Variants in DARS2 observed in about 807,000 individuals in gnomAD.
DARS2 encodes aspartate--tRNA ligase, mitochondrial.
A neutral mutation model predicts 83.0 loss-of-function variants in DARS2; 63 were observed. The ratio of observed to expected loss-of-function variants is 0.76; its 90% CI spans 0.62 to 0.94. DARS2 has a LOEUF of 0.94. Ranked by LOEUF, DARS2 falls within the 40% of genes least tolerant of loss-of-function variation. The pLI is 0.00. For synonymous variants in DARS2, 250 were observed against 269.3 expected (o/e 0.93, Z 0.70); for missense variants, 675 against 774.4 (o/e 0.87, Z 1.52).
rs549144017 is a variant in DARS2, at chr1:173,845,758, A to T, written c.1191+467A>T. 2.0e-5 allele frequency among the ~76,000 whole-genome samples: 3 copies of T among 152,308 alleles called. 1 individual carries two copies. The highest frequency in any genetic ancestry group is 7.2e-5 in the African/African-American group (3 of 41,574). ...AAAATTGGGCTGGGCACGGTGGCTC[A>T]CACCTGTAATCCCAGCACTTTAGGA... On this transcript the variant is annotated intron_variant, in intron 12 of 16. Coordinates refer to ENST00000649689, the MANE Select transcript of DARS2 (RefSeq NM_018122.5).
At chr1:173,833,345 T>C (rs1242113134) in intron 5 of DARS2, 31 bp from the exon 6 acceptor site, 3 of 1,515,178 alleles carry the variant, frequency 2.0e-6, no homozygotes, top group Non-Finnish European at 2.7e-6. Flanking sequence ...TTGAAAAATA[T>C]TTAAATATAA....
At chr1:173,844,669 CAAAAAAAAAAAAAAAAAAAAAA>C (rs549839808) in intron 11 of DARS2, among the ~76,000 whole-genome samples, 11 of 29,930 alleles carry the variant, frequency 3.7e-4, no homozygotes, top group Admixed American at 8.4e-4. Context: ...GACTCCATCG[CAAAAAAAAAAAAAAAAAAAAAA>C]AAAAAAAAAA....
intron 1 of DARS2, among the ~76,000 whole-genome samples, 198 bp downstream of exon 1, chr1:173,825,554 C>G (rs540376025): frequency 6.6e-6 from 1 of 151,720 alleles, no homozygotes; most frequent in Non-Finnish European, 1.5e-5. Context: ...CTGCAAGCTC[C>G]GCCTCCCGGG....
At chr1:173,837,908 G>C (rs1437777577) in intron 8 of DARS2, among the ~76,000 whole-genome samples, 1 of 151,920 alleles carries the variant, frequency 6.6e-6, no homozygotes, top group Non-Finnish European at 1.5e-5. Flanking sequence ...CGAGTAGCTG[G>C]GATTACAGGC....
intron 12 of DARS2, among the ~76,000 whole-genome samples, chr1:173,849,034 C>T (rs1187238947): frequency 6.6e-6 from 1 of 151,370 alleles, no homozygotes; most frequent in Non-Finnish European, 1.5e-5. Context: ...GCTTTTTTCA[C>T]TGCATCTTAT....
intron 16 of DARS2, 29 bp from the exon 17 acceptor site, chr1:173,857,489 C>T: frequency 6.3e-7 from 1 of 1,591,456 alleles, no homozygotes. Context: ...TTACATTTCT[C>T]ATCTGTTATC....
chr1:173,857,406 A>G, intron 16 of DARS2, 112 bp from the exon 17 acceptor site: 1 of 1,070,352 alleles, frequency 9.3e-7, no homozygotes, highest in Non-Finnish European at 1.4e-6. Flanking sequence ...GGTTGGCTAC[A>G]GTTTGTTAAA....
At chr1:173,852,756 G>A (rs1015576268) in intron 13 of DARS2, among the ~76,000 whole-genome samples, 5 of 152,034 alleles carry the variant, frequency 3.3e-5, no homozygotes, top group African/African-American at 1.2e-4. Flanking sequence ...GCCCGCCTCG[G>A]CCTCCCAAAG....
chr1:173,839,423 T>A lies in DARS2; in HGVS notation c.897T>A (p.Gly299=). 1.9e-6 allele frequency: 3 copies of A among 1,614,146 alleles called. No homozygotes were observed. The highest frequency in any genetic ancestry group is 2.5e-6 in the Non-Finnish European group (3 of 1,180,022). Residue 299 remains glycine, a synonymous_variant, in exon 10 of 17, where the codon GGT becomes GGA. Coordinates refer to ENST00000649689, the MANE Select transcript of DARS2 (RefSeq NM_018122.5). The part of the protein sequence containing the change: ...DQTGIQSLIE[G]LLQYSWPNDK... ...CTGGGATCCAGAGTTTAATTGAGGGTTTGCTCCAGTATTCCTGGCCCAATG... is the reference window on the plus strand; with the variant it reads ...CTGGGATCCAGAGTTTAATTGAGGGATTGCTCCAGTATTCCTGGCCCAATG...
In DARS2 at chr1:173,853,322, C is replaced by T. The variant is rs769770697; in HGVS notation, c.1345-27C>T. On this transcript the variant is annotated intron_variant, in intron 13 of 16. Coordinates refer to ENST00000649689, the MANE Select transcript of DARS2 (RefSeq NM_018122.5). The stretch of plus-strand genomic sequence containing the variant: ...CCTGCCTGCTCTGTCAAGAAGTTAA[C>T]TCAATGTTTACGTCTTCTGTTTGCA... The T allele has an allele frequency of 6.2e-6, 10 of 1,607,250 alleles. 1 individual carries two copies. The South Asian group carries it at 7.7e-5, about 12-fold the overall frequency.
chr1:173,828,409 A>T lies in DARS2; in HGVS notation c.294+10A>T, dbSNP rs1315280508. On this transcript the variant is annotated intron_variant, in intron 3 of 16. Coordinates refer to ENST00000649689, the MANE Select transcript of DARS2 (RefSeq NM_018122.5). ...CATTCCCCAGGATGAGGTAATAGAA[A>T]ATTTCCTGTTATTATCTAAAAGCTT... 3 of 1,610,526 alleles carry T rather than the reference A, an allele frequency of 1.9e-6. No individual in the cohort carries two copies. In the African/African-American group the frequency reaches 4.0e-5, roughly 22 times the overall value.
At chr1:173,835,439 C>G (rs1222683305) in intron 7 of DARS2, among the ~76,000 whole-genome samples, 1 of 150,492 alleles carries the variant, frequency 6.6e-6, no homozygotes, top group Non-Finnish European at 1.5e-5. Flanking sequence ...CGCGGTGGCT[C>G]ACACATGTAG....
chr1:173,846,775 G>A (rs554097967), intron 12 of DARS2, among the ~76,000 whole-genome samples: 5 of 152,058 alleles, frequency 3.3e-5, no homozygotes, highest in African/African-American at 1.2e-4. Context: ...CAGCCTGGGT[G>A]ACACAGTGAG....
intron 2 of DARS2, 95 bp from the exon 3 acceptor site, chr1:173,828,238 C>T (rs1652659077): frequency 8.3e-7 from 1 of 1,201,076 alleles, no homozygotes; most frequent in Non-Finnish European, 1.2e-6. Flanking sequence ...TGAAAAATTG[C>T]ATGGATTTTT....
rs564192663 is a variant in DARS2 at position 173,824,689 on chromosome 1, C to T, written c.-541C>T. On this transcript the variant is annotated 5_prime_UTR_variant, in exon 1 of 17. Coordinates refer to ENST00000649689, the MANE Select transcript of DARS2 (RefSeq NM_018122.5). ...GGCGGAGTTGAAGGGCGCTTGGACC[C>T]CAGCGGCGATCTGTGTTTGGGTTCG... is the stretch of plus-strand genomic sequence containing the variant. 2 of 165,336 alleles carry T rather than the reference C, an allele frequency of 1.2e-5. No individual in the cohort carries two copies. The highest frequency in any genetic ancestry group is 2.7e-5 in the Non-Finnish European group (2 of 74,938). 10.2% of individuals were successfully genotyped at this position (165,336 alleles called of 1,614,324 possible). A position where few individuals can be genotyped will look rare whatever the true frequency, so the allele number is the denominator to read the frequency against.
chr1:173,856,069 CACATCAGACCAACTGAAT>C (rs1464139809), intron 15 of DARS2, among the ~76,000 whole-genome samples: 2 of 152,200 alleles, frequency 1.3e-5, no homozygotes, highest in Non-Finnish European at 2.9e-5. Flanking sequence ...GCCTTGGCTA[CACATCAGACCAACTGAAT>C]AAAAGAGTTC....
chr1:173,843,430 C>T (rs917038153), intron 11 of DARS2, among the ~76,000 whole-genome samples: 10 of 152,050 alleles, frequency 6.6e-5, no homozygotes, highest in Non-Finnish European at 1.5e-4. Context: ...TGTGGTTGTG[C>T]GCACCTGTAG....
chr1:173,834,782 G>GTTT (rs558344998), intron 7 of DARS2, among the ~76,000 whole-genome samples: 2 of 26,752 alleles, frequency 7.5e-5, no homozygotes, highest in Admixed American at 7.5e-4. Context: ...TTTTTTTTTT[G>GTTT]TTTTTTTTTT....
Position 173,853,826 on chromosome 1 carries a change from A to G in DARS2, c.1595A>G (p.Asn532Ser). 6.2e-7 allele frequency: 1 copy of G among 1,614,162 alleles called. No individual in the cohort carries two copies. Among genetic ancestry groups the G allele is most frequent in the Non-Finnish European group, 8.5e-7 (1 of 1,180,022 alleles). ...ARSQHYDLVLNGNEIGGGSIR... is the reference protein window; with the variant it reads ...ARSQHYDLVLSGNEIGGGSIR... The stretch of plus-strand genomic sequence containing the variant: ...AGCCAACACTATGACTTGGTTTTAA[A>G]TGGCAATGAAATAGGAGGTGGTTCA... Residue 532 changes from asparagine to serine, a missense_variant, in exon 15 of 17, where the codon AAT (asparagine) becomes AGT (serine). Asn to Ser is a conservative substitution (Grantham distance 46, BLOSUM62 1). Transcript: ENST00000649689.
Sources: gnomAD v4.1 joint callset for allele counts (sites outside exome capture counted in the v4.1 genomes callset) on GRCh38, gnomAD v4.1.1 for gene constraint, MANE v1.5 for transcripts, NCBI Gene and HGNC (gene_info 2026-07-23, HGNC 2026-07-21) for gene names.